The following DCHS2 variants were observed in gnomAD, a reference collection of about 807,000 sequenced individuals.
The protein encoded by DCHS2 is protocadherin-23.
DCHS2 carries 142 observed loss-of-function variants against 182.4 expected under a neutral mutation model. That is an observed-to-expected ratio of 0.78 (90% CI 0.68 to 0.89). The LOEUF (loss-of-function observed/expected upper bound fraction) is 0.89, where lower values mean the gene tolerates loss of function less well. Ranked by LOEUF, DCHS2 falls within the 40% of genes least tolerant of loss-of-function variation. The pLI is 0.00. For synonymous variants in DCHS2, 1,740 were observed against 1,663.3 expected, an observed-to-expected ratio of 1.05 and a Z score of -1.12; for missense variants, 4,319 against 4,198.6, an observed-to-expected ratio of 1.03 and a Z score of -0.79.
Position 154,298,068 on chromosome 4 carries a change from T to C in DCHS2, c.6246A>G (p.Ser2082=), listed in dbSNP as rs897499833. The C allele has an allele frequency of 6.2e-7, 1 of 1,614,046 alleles. No homozygotes were observed. Among genetic ancestry groups the C allele is most frequent in the Admixed American group, 1.7e-5 (1 of 60,010 alleles). ...CTGTGTATTTATCAATAGAAAACAT[T>C]GACTGGGTCTCTGCAAAACTAAAAA... The part of the protein sequence containing the change: ...TVVFSFAETQ[S]MFSIDKYTGE... Residue 2082 remains serine (S), a synonymous_variant, in exon 13 of 20, where the codon TCA becomes TCG. Coordinates refer to ENST00000357232, the MANE Select transcript of DCHS2 (RefSeq NM_001358235.2).
At chr4:154,376,319 G>A (rs963626319) in intron 2 of DCHS2, among the ~76,000 whole-genome samples, 2 of 152,094 alleles carry the variant, frequency 1.3e-5, no homozygotes, top group African/African-American at 4.8e-5. Context: ...ATGGGCCAAT[G>A]AGAACATCAG....
intron 1 of DCHS2, among the ~76,000 whole-genome samples, chr4:154,438,737 A>G (rs75297776): frequency 0.017 from 2,661 of 152,308 alleles, 64 homozygotes; most frequent in African/African-American, 0.061. Flanking sequence ...TAAGTTGTCT[A>G]TATTTCTGTT....
chr4:154,465,779 G>A (rs1456721404), intron 1 of DCHS2, among the ~76,000 whole-genome samples: 9 of 152,100 alleles, frequency 5.9e-5, no homozygotes, highest in South Asian at 2.1e-4. Context: ...GATTGATGTC[G>A]TTGGGGGCTA....
intron 14 of DCHS2, among the ~76,000 whole-genome samples, chr4:154,266,075 T>C (rs938451656): frequency 6.6e-6 from 1 of 152,218 alleles, no homozygotes; most frequent in African/African-American, 2.4e-5. Context: ...TATCGTATTG[T>C]ACTGTATTCA....
chr4:154,302,815 C>CAT (rs995278210), intron 12 of DCHS2, among the ~76,000 whole-genome samples: 17 of 133,016 alleles, frequency 1.3e-4, no homozygotes, highest in Admixed American at 7.5e-4. Flanking sequence ...ATATATATTT[C>CAT]ATATATATAT....
At chr4:154,466,711 C>A (rs1735255488) in intron 1 of DCHS2, among the ~76,000 whole-genome samples, 1 of 152,066 alleles carries the variant, frequency 6.6e-6, no homozygotes, top group African/African-American at 2.4e-5. Flanking sequence ...CTTAAAAAAC[C>A]AGACTGTTTA....
At chr4:154,323,386 A>G in intron 7 of DCHS2, 1 of 1,539,870 alleles carries the variant, frequency 6.5e-7, no homozygotes, top group South Asian at 1.2e-5. Flanking sequence ...CTGGAGCGCA[A>G]TTGTGCCATG....
rs1355262648 is a variant in DCHS2, at chr4:154,489,482, A to G, written c.1874T>C (p.Val625Ala). Residue 625 changes from valine (V) to alanine (A), a missense_variant, in exon 1 of 20, where the codon GTC becomes GCC. Physicochemically the swap from Val to Ala is moderately conservative, Grantham distance 64. Transcript: ENST00000357232. The stretch of plus-strand genomic sequence containing the variant: ...CACTTTCAGCTCCACCGCCTCCTGG[A>G]CCTCTCGGTCTAGAGTCCGGATAGT... Reference protein sequence around the residue: ...ISTIRTLDREVQEAVELKVVA... With the variant: ...ISTIRTLDREAQEAVELKVVA... 2 of 1,551,550 alleles carry G rather than the reference A, an allele frequency of 1.3e-6. No individual in the cohort carries two copies. Among genetic ancestry groups the G allele is most frequent in the East Asian group, 4.9e-5 (2 of 40,898 alleles).
At chr4:154,339,392 T>C (rs1369257862) in intron 3 of DCHS2, among the ~76,000 whole-genome samples, 1 of 152,088 alleles carries the variant, frequency 6.6e-6, no homozygotes, top group East Asian at 1.9e-4. Flanking sequence ...TAATCAGCTA[T>C]CTGGGCATCT....
At chr4:154,271,267 C>G (rs1209738750) in intron 13 of DCHS2, among the ~76,000 whole-genome samples, 1 of 152,066 alleles carries the variant, frequency 6.6e-6, no homozygotes, top group African/African-American at 2.4e-5. Flanking sequence ...TGTCAAGAAT[C>G]AGCTAATTTT....
At chr4:154,297,726 AG>A in intron 13 of DCHS2, 124 bp downstream of exon 13, 1 of 1,427,526 alleles carries the variant, frequency 7.0e-7, no homozygotes, top group Non-Finnish European at 9.4e-7. Context: ...TCCAATATCA[AG>A]AACAGGCATT....
intron 1 of DCHS2, among the ~76,000 whole-genome samples, chr4:154,398,180 A>G (rs1388627823): frequency 1.3e-5 from 2 of 152,192 alleles, no homozygotes; most frequent in Admixed American, 6.5e-5. Flanking sequence ...ACTATGATCA[A>G]TGGATATTTG....
intron 9 of DCHS2, among the ~76,000 whole-genome samples, chr4:154,316,289 C>A (rs1285641355): frequency 6.6e-6 from 1 of 152,178 alleles, no homozygotes; most frequent in Non-Finnish European, 1.5e-5. Flanking sequence ...ATCTACCTCC[C>A]TTTTAAAAAA....
chr4:154,413,066 C>A (rs1265451401), intron 1 of DCHS2, among the ~76,000 whole-genome samples: 1 of 152,126 alleles, frequency 6.6e-6, no homozygotes, highest in Non-Finnish European at 1.5e-5. Flanking sequence ...TAGAAGAGAG[C>A]AGGCTTATTT....
chr4:154,383,129 A>G (rs1188257190), intron 1 of DCHS2, among the ~76,000 whole-genome samples: 1 of 152,230 alleles, frequency 6.6e-6, no homozygotes, highest in African/African-American at 2.4e-5. Flanking sequence ...AATGTGGAAC[A>G]TATGCACTAT....
At chr4:154,337,578 G>T (rs1728868871) in intron 3 of DCHS2, among the ~76,000 whole-genome samples, 1 of 152,052 alleles carries the variant, frequency 6.6e-6, no homozygotes, top group African/African-American at 2.4e-5. Flanking sequence ...ATAGCTCTCT[G>T]TGTCATAGCT....
intron 2 of DCHS2, among the ~76,000 whole-genome samples, chr4:154,370,653 A>C (rs1051210652): frequency 1.3e-5 from 2 of 152,232 alleles, no homozygotes; most frequent in African/African-American, 4.8e-5. Context: ...ATCTCTAAAA[A>C]GATAATAGAA....
In DCHS2 at chr4:154,419,732, C is replaced by A. The variant is rs1485771232; in HGVS notation, c.2053-42288G>T. Among the ~76,000 whole-genome samples the A allele has an allele frequency of 2.1e-5, 3 of 140,462 alleles. No homozygotes were observed. In the Admixed American group the frequency reaches 2.2e-4, roughly 10 times the overall value. 92.1% of individuals were successfully genotyped at this position (140,462 alleles called of 152,430 possible). A position where few individuals can be genotyped will look rare whatever the true frequency, so the allele number is the denominator to read the frequency against. ...CTAAAGGAATATAGAGGAAAGGAGT[C>A]ATCTAAGTCCATATGAAGATGGTGA... On this transcript the variant is annotated intron_variant, in intron 1 of 19. Coordinates refer to ENST00000357232, the MANE Select transcript of DCHS2 (RefSeq NM_001358235.2).
intron 13 of DCHS2, among the ~76,000 whole-genome samples, chr4:154,276,267 C>T (rs945069043): frequency 5.9e-5 from 9 of 152,144 alleles, no homozygotes; most frequent in Non-Finnish European, 1.2e-4. Context: ...CATTTTCAAG[C>T]TTTTATAAAT....
Sources: gnomAD v4.1 joint callset for allele counts (sites outside exome capture counted in the v4.1 genomes callset) on GRCh38, gnomAD v4.1.1 for gene constraint, MANE v1.5 for transcripts, NCBI Gene and HGNC (gene_info 2026-07-23, HGNC 2026-07-21) for gene names.